Variants in MAP3K21 observed in about 807,000 individuals in gnomAD.
The protein encoded by MAP3K21 is mitogen-activated protein kinase kinase kinase MLK4.
Under a neutral mutation model 86.1 loss-of-function variants are expected in MAP3K21, and 63 were observed. The ratio of observed to expected loss-of-function variants is 0.73; its 90% CI spans 0.60 to 0.90. The LOEUF (loss-of-function observed/expected upper bound fraction) is 0.90, where lower values mean the gene tolerates loss of function less well. MAP3K21 is among the 40% of genes least tolerant of loss of function. The pLI is 0.00. For synonymous variants in MAP3K21, 558 were observed against 564.8 expected (o/e 0.99, Z 0.17); for missense variants, 1,220 against 1,367.7 (o/e 0.89, Z 1.70).
At position 233,382,908 on chromosome 1, in the gene MAP3K21, T is replaced by G. The variant is rs948067801; in HGVS notation, c.*197T>G. On this transcript the variant is annotated 3_prime_UTR_variant, in exon 10 of 10. Transcript: ENST00000366624. ...GTCTATTGTTTTTCCTCTGGATTCT[T>G]TTCTTATAACTTGGAATACACAAAA... The G allele has an allele frequency of 1.9e-6, 1 of 533,130 alleles. No homozygotes were observed. Among genetic ancestry groups the G allele is most frequent in the Non-Finnish European group, 3.3e-6 (1 of 301,484 alleles). 33.0% of individuals were successfully genotyped at this position (533,130 alleles called of 1,614,324 possible).
At chr1:233,345,734 TAATAATAATAATAATAA>T (rs986058337) in intron 1 of MAP3K21, among the ~76,000 whole-genome samples, 3 of 50,974 alleles carry the variant, frequency 5.9e-5, no homozygotes, top group African/African-American at 4.1e-4. Context: ...AGTATAATAA[TAATAATAATAATAATAA>T]TAATAATAAT....
rs756208185 is a variant in MAP3K21 at position 233,346,555 on chromosome 1, A to C, written c.919A>C (p.Thr307Pro). Reference sequence around the variant, plus strand: ...GACCACCAAAATGAGCACAGCAGGCACCTATGCCTGGATGGCCCCCGAAGT... The same window carrying C: ...GACCACCAAAATGAGCACAGCAGGCCCCTATGCCTGGATGGCCCCCGAAGT... ...HRTTKMSTAG[T>P]YAWMAPEVIK... The change falls in exon 2 of 10, where the codon ACC (threonine) becomes CCC (proline). Residue 307 changes from threonine to proline, a missense_variant. Thr to Pro is a conservative substitution (Grantham distance 38, BLOSUM62 -1). Coordinates refer to ENST00000366624, the MANE Select transcript of MAP3K21 (RefSeq NM_032435.3). 1 of 1,613,906 alleles carries C rather than the reference A, an allele frequency of 6.2e-7. No individual in the cohort carries two copies. The highest frequency in any genetic ancestry group is 1.3e-5 in the African/African-American group (1 of 74,912).
At chr1:233,368,341 T>C (rs1033888277) in intron 5 of MAP3K21, among the ~76,000 whole-genome samples, 1 of 152,142 alleles carries the variant, frequency 6.6e-6, no homozygotes, top group African/African-American at 2.4e-5. Context: ...TGCTCTGCCC[T>C]GGTCAAGTCT....
At chr1:233,345,587 T>A (rs1327658368) in intron 1 of MAP3K21, among the ~76,000 whole-genome samples, 1 of 123,776 alleles carries the variant, frequency 8.1e-6, no homozygotes, top group Admixed American at 8.4e-5. Context: ...TGTCATGGGA[T>A]GGGGGGCAGG....
chr1:233,367,499 T>A (rs1036194569), intron 5 of MAP3K21, among the ~76,000 whole-genome samples: 1 of 152,102 alleles, frequency 6.6e-6, no homozygotes, highest in Non-Finnish European at 1.5e-5. Flanking sequence ...TCAGCTTTAG[T>A]TTTCCCAAAT....
At chr1:233,366,432 C>A (rs1162776286) in intron 5 of MAP3K21, among the ~76,000 whole-genome samples, 1 of 152,064 alleles carries the variant, frequency 6.6e-6, no homozygotes, top group East Asian at 1.9e-4. Context: ...ATATTGTAAA[C>A]AAGTACCAAA....
chr1:233,339,264 CTT>C (rs1558450842), intron 1 of MAP3K21, among the ~76,000 whole-genome samples: 35 of 34,210 alleles, frequency 1.0e-3, no homozygotes, highest in Middle Eastern at 0.011. Context: ...TCTTCTTCTT[CTT>C]CCTCTTCTTC....
In MAP3K21 at chr1:233,382,406, C is replaced by A; in HGVS notation, c.2806C>A (p.His936Asn). 1 of 1,614,168 alleles carries A rather than the reference C, an allele frequency of 6.2e-7. No individual in the cohort carries two copies. Among genetic ancestry groups the A allele is most frequent in the South Asian group, 1.1e-5 (1 of 91,072 alleles). Residue 936 changes from histidine (H) to asparagine (N), a missense_variant, in exon 10 of 10, where the codon CAC becomes AAC. His to Asn is a moderately conservative substitution (Grantham distance 68, BLOSUM62 1). Around this residue, in one of 5 missense-constraint regions of MAP3K21, gnomAD observed 632 missense variants for 691.3 expected, o/e 0.91. Transcript: ENST00000366624. ...HLPREVSPKK[H>N]STVHIVPQRR... is the part of the protein sequence containing the mutation. The stretch of plus-strand genomic sequence containing the variant: ...GCCAAGGGAGGTCTCACCCAAGAAG[C>A]ACAGCACTGTCCACATCGTGCCTCA...
chr1:233,359,758 A>G (rs1663431950), intron 4 of MAP3K21, among the ~76,000 whole-genome samples: 1 of 152,254 alleles, frequency 6.6e-6, no homozygotes, highest in Non-Finnish European at 1.5e-5. Flanking sequence ...GTGCCAAGCA[A>G]TTCAACAAAT....
chr1:233,328,419 G>A lies in MAP3K21; in HGVS notation c.391G>A (p.Gly131Ser). 1 of 1,492,114 alleles carries A rather than the reference G, an allele frequency of 6.7e-7. No individual in the cohort carries two copies. Among genetic ancestry groups the A allele is most frequent in the Non-Finnish European group, 8.9e-7 (1 of 1,129,040 alleles). The allele number at this position is 1,492,114 out of a possible 1,614,324, so 92.4% of individuals were successfully genotyped here. ...GCGGCTGGAGCTGAAGGAGCTCATC[G>A]GCGCTGGGGGCTTCGGGCAGGTGTA... ...FERLELKELI[G>S]AGGFGQVYRA... The change falls in exon 1 of 10, where the codon GGC (glycine) becomes AGC (serine). Residue 131 changes from glycine (G) to serine (S), a missense_variant. Transcript: ENST00000366624. This position sits in a 1 kb window ranked among gnomAD's most constrained non-coding sequence, Gnocchi z 8.7.
chr1:233,353,064 C>T (rs773638829), intron 2 of MAP3K21, among the ~76,000 whole-genome samples: 13 of 152,114 alleles, frequency 8.5e-5, no homozygotes, highest in Non-Finnish European at 1.5e-4. Flanking sequence ...TCTTCTGTGC[C>T]TTTGCTTGTT....
In MAP3K21 at chr1:233,329,976, T is replaced by A. The variant is rs1662781155; in HGVS notation, c.805+1143T>A. 2.0e-5 allele frequency among the ~76,000 whole-genome samples: 3 copies of A among 152,342 alleles called. No homozygotes were observed. The South Asian group carries it at 6.2e-4, about 32-fold the overall frequency. On this transcript the variant is annotated intron_variant, in intron 1 of 9. Transcript: ENST00000366624. The stretch of plus-strand genomic sequence containing the variant: ...TTTAATATTGAAGATCGCTTCATAT[T>A]CTTATAATGAGATGAAATCCCAGGG...
At chr1:233,358,816 T>A (rs995355503) in intron 4 of MAP3K21, among the ~76,000 whole-genome samples, 2 of 151,922 alleles carry the variant, frequency 1.3e-5, no homozygotes, top group African/African-American at 4.8e-5. Context: ...TTATTATTAT[T>A]GTTATTATCT....
Position 233,328,969 on chromosome 1 carries a change from A to T in MAP3K21, c.805+136A>T. On this transcript the variant is annotated intron_variant, in intron 1 of 9. Transcript: ENST00000366624. The surrounding 1 kb of genome is among the most constrained non-coding windows in gnomAD (Gnocchi z 8.7). Reference sequence around the variant, plus strand: ...AGCAGCAACTCATGCCCAGGCCTTCAGGGCTCGGAAGTCCAGCTAGTCCTT... The same window carrying T: ...AGCAGCAACTCATGCCCAGGCCTTCTGGGCTCGGAAGTCCAGCTAGTCCTT... 1 of 820,526 alleles carries T rather than the reference A, an allele frequency of 1.2e-6. No homozygotes were observed. The highest frequency in any genetic ancestry group is 3.5e-5 in the East Asian group (1 of 28,686). The allele number at this position is 820,526 out of a possible 1,614,324, so 50.8% of individuals were successfully genotyped here.
rs1351542817 is a variant in MAP3K21, at chr1:233,379,428, T to C, written c.2422T>C (p.Ser808Pro). The change falls in exon 9 of 10, where the codon TCC becomes CCC. Residue 808 changes from serine to proline, a missense_variant. Ser to Pro is a moderately conservative substitution (Grantham distance 74, BLOSUM62 -1). Transcript: ENST00000366624. ...ALGILSTPSF[S>P]TKCLLQMDSE... ...GGGCATCCTCTCCACACCTTCTTTC[T>C]CCACAAAGTGCCTGCTGCAGATGGA... The C allele has an allele frequency of 6.2e-7, 1 of 1,614,152 alleles. No individual in the cohort carries two copies. Among genetic ancestry groups the C allele is most frequent in the Non-Finnish European group, 8.5e-7 (1 of 1,180,018 alleles).
At chr1:233,351,246 A>AT (rs748190058) in intron 2 of MAP3K21, among the ~76,000 whole-genome samples, 1 of 152,226 alleles carries the variant, frequency 6.6e-6, no homozygotes, top group Non-Finnish European at 1.5e-5. Context: ...GAAAATAATG[A>AT]TTTTAACTTT....
intron 3 of MAP3K21, among the ~76,000 whole-genome samples, chr1:233,354,564 C>T (rs553211884): frequency 2.0e-5 from 3 of 152,312 alleles, no homozygotes; most frequent in East Asian, 3.9e-4. Flanking sequence ...GGGAAGCACA[C>T]GTCCATTTAT....
At chr1:233,351,827 T>A (rs1446926121) in intron 2 of MAP3K21, among the ~76,000 whole-genome samples, 2 of 152,208 alleles carry the variant, frequency 1.3e-5, no homozygotes, top group African/African-American at 4.8e-5. Flanking sequence ...AGAGCTTCAC[T>A]AGTTATATTA....
chr1:233,336,411 G>A (rs1662915381), intron 1 of MAP3K21, among the ~76,000 whole-genome samples: 1 of 151,904 alleles, frequency 6.6e-6, no homozygotes, highest in African/African-American at 2.4e-5. Context: ...CGTGGTGGTG[G>A]GTGCCTGTAA....
Sources: allele counts gnomAD v4.1 joint callset (sites outside exome capture counted in the v4.1 genomes callset), GRCh38; gene constraint gnomAD v4.1.1; regional missense constraint gnomAD v4.1.1; non-coding constraint Gnocchi (gnomAD v3.1); transcripts MANE v1.5; gene names NCBI Gene and HGNC (gene_info 2026-07-23, HGNC 2026-07-21).